CENPP: variants seen among roughly 807,000 people sequenced by gnomAD.
CENPP encodes centromere protein P.
CENPP carries 24 observed loss-of-function variants against 35.6 expected under a neutral mutation model. The observed-to-expected ratio is 0.67, with a 90% CI of 0.49 to 0.95. The LOEUF is 0.95. Among genes scored for constraint, CENPP ranks in the 40% least tolerant of loss-of-function variants. The pLI is 0.00. For synonymous variants in CENPP, 120 were observed against 125.5 expected, an observed-to-expected ratio of 0.96 and a Z score of 0.29; for missense variants, 332 against 345.3, an observed-to-expected ratio of 0.96 and a Z score of 0.31.
At chr9:92,359,095 A>G (rs1280018407) in intron 4 of CENPP, among the ~76,000 whole-genome samples, 1 of 151,690 alleles carries the variant, frequency 6.6e-6, no homozygotes, top group East Asian at 1.9e-4. Context: ...GATTAAAGGC[A>G]TGTGCCACCA....
At chr9:92,560,233 A>G (rs1849817994) in intron 5 of CENPP, among the ~76,000 whole-genome samples, 1 of 152,254 alleles carries the variant, frequency 6.6e-6, no homozygotes. Flanking sequence ...CTAGATAAAC[A>G]TGTGAGTGGC....
At chr9:92,420,885 G>A (rs979683156) in intron 5 of CENPP, among the ~76,000 whole-genome samples, 1 of 152,134 alleles carries the variant, frequency 6.6e-6, no homozygotes, top group Non-Finnish European at 1.5e-5. Context: ...GACTTTGAAG[G>A]AGTGTTGAGG....
chr9:92,535,823 T>C (rs1849135387), intron 5 of CENPP: 3 of 324,680 alleles, frequency 9.2e-6, no homozygotes, highest in Middle Eastern at 1.1e-3. Context: ...TAAAAATCTA[T>C]TAGTAACGAG....
At chr9:92,477,444 A>G (rs538686407) in intron 5 of CENPP, among the ~76,000 whole-genome samples, 5 of 152,122 alleles carry the variant, frequency 3.3e-5, no homozygotes, top group Non-Finnish European at 4.4e-5. Flanking sequence ...AGCTAAATCA[A>G]AGTTGGCCCC....
Position 92,522,559 on chromosome 9 carries a change from C to T in CENPP, c.565-88755C>T, listed in dbSNP as rs775170669. 1.1e-5 allele frequency: 17 copies of T among 1,588,886 alleles called. No homozygotes were observed. The East Asian group carries it at 3.6e-4, about 34-fold the overall frequency. On this transcript the variant is annotated intron_variant, in intron 5 of 7. Transcript: ENST00000375587. ...CTCCTCCCTCTTTCTGTCTCTCTCT[C>T]ATAGTGTTCTCTTACCTGGTAACAC...
At chr9:92,439,628 T>C (rs1383522025) in intron 5 of CENPP, among the ~76,000 whole-genome samples, 20 of 152,206 alleles carry the variant, frequency 1.3e-4, no homozygotes, top group Non-Finnish European at 1.0e-4. Context: ...CTTGTGTGGC[T>C]CCTTTGTCTT....
chr9:92,595,971 T>G (rs1304477434), intron 5 of CENPP, among the ~76,000 whole-genome samples: 1 of 152,178 alleles, frequency 6.6e-6, no homozygotes, highest in Non-Finnish European at 1.5e-5. Flanking sequence ...AAATATTATT[T>G]AAACTTTAAA....
chr9:92,567,395 T>TAG (rs1554688308), intron 5 of CENPP, among the ~76,000 whole-genome samples: 2 of 106,778 alleles, frequency 1.9e-5, no homozygotes, highest in Admixed American at 8.6e-5. Context: ...TATATATATA[T>TAG]AGATATATAT....
intron 5 of CENPP, among the ~76,000 whole-genome samples, chr9:92,490,550 G>A (rs958504622): frequency 6.6e-5 from 10 of 152,162 alleles, no homozygotes; most frequent in African/African-American, 2.4e-4. Flanking sequence ...AAGGGAAAGA[G>A]GTGGAATCAA....
At chr9:92,334,619 C>T (rs1245705562) in intron 2 of CENPP, among the ~76,000 whole-genome samples, 1 of 152,066 alleles carries the variant, frequency 6.6e-6, no homozygotes, top group Non-Finnish European at 1.5e-5. Flanking sequence ...GTGGCTCACG[C>T]CTGTAATGCT....
At chr9:92,363,786 T>A (rs1841820509) in intron 4 of CENPP, among the ~76,000 whole-genome samples, 1 of 152,198 alleles carries the variant, frequency 6.6e-6, no homozygotes, top group South Asian at 2.1e-4. Flanking sequence ...ATTGAGAAAC[T>A]TGGCTCCTAG....
chr9:92,407,777 A>C (rs1446140167), intron 5 of CENPP, among the ~76,000 whole-genome samples: 1 of 151,740 alleles, frequency 6.6e-6, no homozygotes, highest in Non-Finnish European at 1.5e-5. Context: ...TGGCTAATTA[A>C]AAAAATTAAA....
At chr9:92,520,776 C>G (rs1325831409) in intron 5 of CENPP, among the ~76,000 whole-genome samples, 1 of 151,956 alleles carries the variant, frequency 6.6e-6, no homozygotes, top group African/African-American at 2.4e-5. Flanking sequence ...TATTATTCAG[C>G]CATAAAAAGG....
At chr9:92,358,035 T>C (rs1696848291) in intron 4 of CENPP, among the ~76,000 whole-genome samples, 1 of 152,190 alleles carries the variant, frequency 6.6e-6, no homozygotes, top group Non-Finnish European at 1.5e-5. Context: ...TTGATTATAA[T>C]GTTTCTCTAT....
intron 5 of CENPP, among the ~76,000 whole-genome samples, chr9:92,433,456 G>A (rs1421945339): frequency 6.6e-6 from 1 of 152,126 alleles, no homozygotes; most frequent in African/African-American, 2.4e-5. Context: ...TTGTAAGGCA[G>A]CCTGATACCT....
intron 5 of CENPP, among the ~76,000 whole-genome samples, chr9:92,396,362 T>A (rs1410681411): frequency 6.6e-6 from 1 of 151,792 alleles, no homozygotes; most frequent in Non-Finnish European, 1.5e-5. Context: ...TATTTTAGAA[T>A]CAGCTTGTTA....
chr9:92,435,819 CATCTG>C (rs1443261961), intron 5 of CENPP, among the ~76,000 whole-genome samples: 1 of 152,186 alleles, frequency 6.6e-6, no homozygotes, highest in Non-Finnish European at 1.5e-5. Flanking sequence ...ACTGAAAAAA[CATCTG>C]GGCTGCCTCC....
chr9:92,450,133 T>C (rs1194354796), intron 5 of CENPP, among the ~76,000 whole-genome samples: 3 of 151,998 alleles, frequency 2.0e-5, no homozygotes, highest in African/African-American at 7.2e-5. Flanking sequence ...TTACGGTACA[T>C]GTGCACAATG....
At chr9:92,522,278 G>A (rs1237994526) in intron 5 of CENPP, among the ~76,000 whole-genome samples, 2 of 152,126 alleles carry the variant, frequency 1.3e-5, no homozygotes, top group South Asian at 4.2e-4. Flanking sequence ...AGTAGAGACG[G>A]GGTTTCAACA....
Sources: allele counts gnomAD v4.1 joint callset (sites outside exome capture counted in the v4.1 genomes callset), GRCh38; gene constraint gnomAD v4.1.1; transcripts MANE v1.5; gene names NCBI Gene and HGNC (gene_info 2026-07-23, HGNC 2026-07-21).